The following FGGY variants were observed in gnomAD, a reference collection of about 807,000 sequenced individuals.
FGGY encodes the protein FGGY carbohydrate kinase domain-containing protein.
A neutral mutation model predicts 71.3 loss-of-function variants in FGGY; 72 were observed. The ratio of observed to expected loss-of-function variants is 1.01; its 90% CI spans 0.84 to 1.23. The LOEUF is 1.23. Ranked by LOEUF, FGGY falls within the 50% of genes most tolerant of loss-of-function variation. The pLI, the probability that FGGY is intolerant of heterozygous loss-of-function variation, is 0.00. For missense variants in FGGY, 668 were observed against 682.3 expected (o/e 0.98, Z 0.23); for synonymous variants, 251 against 250.3 (o/e 1.00, Z -0.02).
intron 8 of FGGY, among the ~76,000 whole-genome samples, chr1:59,590,947 G>A (rs1302093540): frequency 1.3e-5 from 2 of 152,124 alleles, no homozygotes; most frequent in Admixed American, 6.5e-5. Context: ...AGGGCAATTA[G>A]GCAGGAGAAG....
intron 4 of FGGY, among the ~76,000 whole-genome samples, chr1:59,362,591 T>G (rs2055780360): frequency 6.6e-6 from 1 of 152,202 alleles, no homozygotes; most frequent in Admixed American, 6.5e-5. Context: ...CTCAGGCCAT[T>G]GCCTCAGTGT....
At chr1:59,532,419 G>A (rs939655996) in intron 7 of FGGY, among the ~76,000 whole-genome samples, 1 of 152,110 alleles carries the variant, frequency 6.6e-6, no homozygotes, top group African/African-American at 2.4e-5. Flanking sequence ...AATGAGAGAA[G>A]AGAGATAATA....
chr1:59,721,096 C>T (rs547197283), intron 14 of FGGY, among the ~76,000 whole-genome samples: 1 of 152,206 alleles, frequency 6.6e-6, no homozygotes, highest in African/African-American at 2.4e-5. Flanking sequence ...GATGCCATTC[C>T]TAGTCACCCT....
rs1452056232 is a variant in FGGY at position 59,583,383 on chromosome 1, A to T, written c.904-24420A>T. On this transcript the variant is annotated intron_variant, in intron 8 of 15. Transcript: ENST00000303721. ...ACTTGCTAGCCTTAGAAATAAAAAT[A>T]AAGGTCTTATTTTTACATTGACACT... is the stretch of plus-strand genomic sequence containing the variant. Among the ~76,000 whole-genome samples the T allele has an allele frequency of 4.9e-5, 7 of 143,350 alleles. 2 individuals carry two copies. The highest frequency in any genetic ancestry group is 1.9e-4 in the African/African-American group (7 of 36,582). 94.0% of individuals were successfully genotyped at this position (143,350 alleles called of 152,430 possible).
chr1:59,549,794 A>G (rs925038656), intron 7 of FGGY, among the ~76,000 whole-genome samples: 4 of 152,232 alleles, frequency 2.6e-5, no homozygotes, highest in Non-Finnish European at 5.9e-5. Context: ...TTACATAAAT[A>G]TAGTAGGGAC....
At chr1:59,378,401 G>A (rs1405214607) in intron 4 of FGGY, among the ~76,000 whole-genome samples, 2 of 151,842 alleles carry the variant, frequency 1.3e-5, no homozygotes, top group South Asian at 4.2e-4. Context: ...CCCCAGCCAC[G>A]CGAAACTGTG....
chr1:59,308,986 C>G (rs2043849685), intron 1 of FGGY, among the ~76,000 whole-genome samples: 2 of 152,062 alleles, frequency 1.3e-5, no homozygotes, highest in South Asian at 4.1e-4. Context: ...TGGATATGTT[C>G]TTGCCTTTAC....
intron 5 of FGGY, among the ~76,000 whole-genome samples, chr1:59,434,665 C>T (rs924156226): frequency 9.2e-5 from 14 of 152,170 alleles, no homozygotes; most frequent in African/African-American, 3.4e-4. Context: ...TGAGGACTCA[C>T]TTCCTGGTTC....
chr1:59,433,084 G>A (rs72664577), intron 5 of FGGY, among the ~76,000 whole-genome samples: 4,851 of 152,290 alleles, frequency 0.032, 101 homozygotes, highest in Middle Eastern at 0.051. Context: ...GTATCCATCA[G>A]TTTTAGACAT....
chr1:59,441,199 C>A (rs528310719), intron 5 of FGGY, among the ~76,000 whole-genome samples: 1 of 152,292 alleles, frequency 6.6e-6, no homozygotes, highest in African/African-American at 2.4e-5. Context: ...TCACGTCTAT[C>A]TATCTGCAGT....
chr1:59,634,892 G>A (rs1025013339), intron 10 of FGGY, among the ~76,000 whole-genome samples: 1 of 152,112 alleles, frequency 6.6e-6, no homozygotes, highest in African/African-American at 2.4e-5. Context: ...GCTGGTACGT[G>A]GTAAAGTCAC....
intron 6 of FGGY, among the ~76,000 whole-genome samples, chr1:59,478,293 A>G (rs1049548949): frequency 2.0e-5 from 3 of 152,216 alleles, no homozygotes; most frequent in Non-Finnish European, 2.9e-5. Context: ...CTGTCAAGAT[A>G]TCCCTCACCC....
intron 8 of FGGY, among the ~76,000 whole-genome samples, chr1:59,558,784 C>T (rs2095736035): frequency 6.6e-6 from 1 of 151,658 alleles, no homozygotes; most frequent in South Asian, 2.1e-4. Context: ...TATTTCAGTC[C>T]TTATCTCAAC....
intron 2 of FGGY, among the ~76,000 whole-genome samples, chr1:59,324,514 G>T (rs1054601525): frequency 4.0e-5 from 6 of 151,690 alleles, no homozygotes; most frequent in Non-Finnish European, 5.9e-5. Flanking sequence ...CTGACCTCGT[G>T]ATCCGCCCGC....
At chr1:59,505,452 T>A (rs1002220234) in intron 6 of FGGY, among the ~76,000 whole-genome samples, 1 of 152,166 alleles carries the variant, frequency 6.6e-6, no homozygotes, top group African/African-American at 2.4e-5. Flanking sequence ...TGGTAAGACA[T>A]GGTGCCACTT....
chr1:59,337,749 T>C (rs906984976), intron 2 of FGGY, among the ~76,000 whole-genome samples: 1 of 152,188 alleles, frequency 6.6e-6, no homozygotes, highest in African/African-American at 2.4e-5. Flanking sequence ...GTTCTAGTAA[T>C]TTTTTTAGCT....
intron 14 of FGGY, among the ~76,000 whole-genome samples, chr1:59,701,080 T>C (rs867097169): frequency 2.6e-5 from 4 of 152,276 alleles, no homozygotes; most frequent in Middle Eastern, 6.8e-3. Context: ...AAAGAAATGG[T>C]TTGGAATTGC....
At chr1:59,681,582 A>G (rs1343152897) in intron 14 of FGGY, among the ~76,000 whole-genome samples, 1 of 152,186 alleles carries the variant, frequency 6.6e-6, no homozygotes, top group Non-Finnish European at 1.5e-5. Context: ...TCCTCACTCT[A>G]ATTACTATTT....
At chr1:59,668,317 C>T (rs1182824095) in intron 13 of FGGY, among the ~76,000 whole-genome samples, 2 of 152,282 alleles carry the variant, frequency 1.3e-5, no homozygotes. Context: ...CATTCTCTCC[C>T]AGGACCCATC....
Sources: gnomAD v4.1 joint callset for allele counts (sites outside exome capture counted in the v4.1 genomes callset) on GRCh38, gnomAD v4.1.1 for gene constraint, MANE v1.5 for transcripts, NCBI Gene and HGNC (gene_info 2026-07-23, HGNC 2026-07-21) for gene names.